SLC5A11: variants seen among roughly 807,000 people sequenced by gnomAD.
SLC5A11 encodes the protein sodium/myo-inositol cotransporter 2.
Under a neutral mutation model 69.8 loss-of-function variants are expected in SLC5A11, and 48 were observed. The ratio of observed to expected loss-of-function variants is 0.69; its 90% confidence interval spans 0.55 to 0.87. The LOEUF is 0.87. SLC5A11 is among the 40% of genes least tolerant of loss of function. The probability of loss-of-function intolerance (pLI) is 0.00; values close to 1 mark genes in which losing one functional copy is unlikely to be tolerated. For synonymous variants in SLC5A11, 319 were observed against 342.4 expected (o/e 0.93, Z 0.75); for missense variants, 784 against 866.1 (o/e 0.91, Z 1.19).
At chr16:24,868,596 C>CAA (rs71156448) in intron 3 of SLC5A11, among the ~76,000 whole-genome samples, 9,904 of 123,718 alleles carry the variant, frequency 0.08, 716 homozygotes, top group East Asian at 0.27. Context: ...GACTCCGCCT[C>CAA]AAAAAAAAAA....
At chr16:24,876,291 T>G (rs931256531) in intron 6 of SLC5A11, among the ~76,000 whole-genome samples, 2 of 152,086 alleles carry the variant, frequency 1.3e-5, no homozygotes, top group African/African-American at 4.8e-5. Flanking sequence ...AGCTTCTTTG[T>G]CAACATCTCA....
chr16:24,904,906 A>T (rs1382244873), intron 10 of SLC5A11, among the ~76,000 whole-genome samples: 1 of 152,108 alleles, frequency 6.6e-6, no homozygotes, highest in African/African-American at 2.4e-5. Context: ...CTCCACGTGC[A>T]TTAGGTATTT....
chr16:24,910,542 T>TTC (rs1287011100), intron 15 of SLC5A11, 65 bp downstream of exon 16: 5 of 1,522,912 alleles, frequency 3.3e-6, no homozygotes, highest in Non-Finnish European at 4.4e-6. Context: ...GATTTTTTTT[T>TTC]TTTTCCTATC....
intron 3 of SLC5A11, among the ~76,000 whole-genome samples, chr16:24,865,828 T>A (rs1263633492): frequency 2.0e-5 from 3 of 151,428 alleles, no homozygotes; most frequent in African/African-American, 7.3e-5. Context: ...ATGAAAAAAA[T>A]AAACAAAGAG....
At chr16:24,870,065 G>T in intron 4 of SLC5A11, 60 bp downstream of exon 5, 1 of 1,242,460 alleles carries the variant, frequency 8.0e-7, no homozygotes, top group Non-Finnish European at 1.2e-6. Flanking sequence ...GTAGATCTCA[G>T]GGGAAAGTTG....
At chr16:24,863,000 AT>A (rs1382665716) in intron 3 of SLC5A11, among the ~76,000 whole-genome samples, 13 of 135,398 alleles carry the variant, frequency 9.6e-5, no homozygotes, top group African/African-American at 2.1e-4. Context: ...ATAATCATAT[AT>A]TTATGTAATA....
In SLC5A11 at chr16:24,910,415, C is replaced by CCAGCAG. The variant is rs140499762; in HGVS notation, c.1771_1776dup (p.Ser591_Ser592dup). On this transcript the variant is annotated inframe_insertion, in exon 15 of 16. Transcript: ENST00000347898. ...CTCTCTCAGAACGGGATGCCAGAGG[C>CCAGCAG]CAGCAGCAGCAGCAGCGTCCAGTTC... is the stretch of plus-strand genomic sequence containing the variant. The CCAGCAG allele has an allele frequency of 2.7e-5, 43 of 1,613,696 alleles. 1 individual carries two copies. In the African/African-American group the frequency reaches 2.7e-4, roughly 10 times the overall value.
chr16:24,854,533 G>T (rs895951447), intron 1 of SLC5A11, among the ~76,000 whole-genome samples: 1 of 151,862 alleles, frequency 6.6e-6, no homozygotes, highest in Admixed American at 6.6e-5. Flanking sequence ...GGGTTCAAGC[G>T]ATCTTTCTGC....
At chr16:24,901,791 G>C (rs928770076) in intron 10 of SLC5A11, among the ~76,000 whole-genome samples, 3 of 150,988 alleles carry the variant, frequency 2.0e-5, no homozygotes, top group African/African-American at 7.3e-5. Context: ...ACAGAAATAA[G>C]TAAATAAATA....
At chr16:24,878,400 T>C (rs1250335803) in intron 7 of SLC5A11, among the ~76,000 whole-genome samples, 1 of 152,160 alleles carries the variant, frequency 6.6e-6, no homozygotes, top group Non-Finnish European at 1.5e-5. Flanking sequence ...CCTTGAGAAG[T>C]ACCTGTTTTT....
chr16:24,903,580 A>G (rs1373522430), intron 10 of SLC5A11, among the ~76,000 whole-genome samples: 2 of 152,192 alleles, frequency 1.3e-5, no homozygotes, highest in Non-Finnish European at 2.9e-5. Context: ...AAGCTTCCAC[A>G]TATGAGTGAG....
At chr16:24,862,488 C>T (rs891666160) in intron 2 of SLC5A11, 113 bp from the exon 4 acceptor site, 35 of 642,856 alleles carry the variant, frequency 5.4e-5, no homozygotes, top group Non-Finnish European at 8.4e-5. Flanking sequence ...ATTTGATATC[C>T]GAATCTGGCC....
intron 1 of SLC5A11, among the ~76,000 whole-genome samples, chr16:24,856,178 C>A (rs2152234974): frequency 6.6e-6 from 1 of 152,238 alleles, no homozygotes; most frequent in East Asian, 1.9e-4. Flanking sequence ...CAGGGGGAGG[C>A]CTGAAATTCT....
intron 8 of SLC5A11, among the ~76,000 whole-genome samples, chr16:24,888,204 T>C (rs1040021262): frequency 2.0e-5 from 3 of 152,138 alleles, no homozygotes; most frequent in Non-Finnish European, 2.9e-5. Flanking sequence ...ACCCCAAAAA[T>C]TAAACTCATT....
chr16:24,905,640 G>GCACGCA (rs1555534458), intron 10 of SLC5A11, among the ~76,000 whole-genome samples: 11 of 136,780 alleles, frequency 8.0e-5, no homozygotes, highest in Admixed American at 2.2e-4. Flanking sequence ...GCGCGCGCGC[G>GCACGCA]CACACACACA....
At chr16:24,906,673 A>T (rs1044153630) in exon 11 of SLC5A11, 1 of 1,611,498 alleles carries the variant, frequency 6.2e-7, no homozygotes, top group Admixed American at 1.7e-5. Flanking sequence ...TGGCCTGTGC[A>T]GATCCAGAGA....
intron 7 of SLC5A11, among the ~76,000 whole-genome samples, chr16:24,881,034 T>C (rs554941289): frequency 5.3e-5 from 8 of 152,026 alleles, no homozygotes; most frequent in African/African-American, 1.9e-4. Context: ...TGAAACCCTG[T>C]CTCTACTAAA....
At chr16:24,846,595 A>G (rs1233721454) in intron 1 of SLC5A11, 157 bp downstream of exon 2, 1 of 152,420 alleles carries the variant, frequency 6.6e-6, no homozygotes, top group Non-Finnish European at 1.5e-5. Context: ...AGGACAATGG[A>G]GTGTGTTTGT....
chr16:24,861,424 G>A (rs749999292), intron 2 of SLC5A11, among the ~76,000 whole-genome samples: 24 of 151,874 alleles, frequency 1.6e-4, no homozygotes, highest in Non-Finnish European at 2.6e-4. Context: ...AGGTTACAGT[G>A]AGCCATGATC....
Sources: gnomAD v4.1 joint callset for allele counts (sites outside exome capture counted in the v4.1 genomes callset) on GRCh38, gnomAD v4.1.1 for gene constraint, MANE v1.5 for transcripts, NCBI Gene and HGNC (gene_info 2026-07-23, HGNC 2026-07-21) for gene names.